RRAS2: variants seen among roughly 807,000 people sequenced by gnomAD.
The protein encoded by RRAS2 is ras-related protein R-Ras2.
In RRAS2, 7 loss-of-function variants were observed where a neutral mutation model predicts 27.6. The ratio of observed to expected loss-of-function variants is 0.25; its 90% CI spans 0.14 to 0.48. RRAS2 has a LOEUF of 0.48. RRAS2 is among the 20% of genes least tolerant of loss of function. The probability of loss-of-function intolerance (pLI) is 0.99; values close to 1 mark genes in which losing one functional copy is unlikely to be tolerated. For missense variants in RRAS2, 178 were observed against 256.2 expected (o/e 0.69, Z 2.08); for synonymous variants, 86 against 90.9 (o/e 0.95, Z 0.31).
chr11:14,311,805 A>C (rs1426651575), intron 1 of RRAS2, among the ~76,000 whole-genome samples: 1 of 152,196 alleles, frequency 6.6e-6, no homozygotes, highest in Non-Finnish European at 1.5e-5. Flanking sequence ...CAAACTACGA[A>C]AGTTACATAA....
At chr11:14,325,405 G>A (rs966979184) in intron 1 of RRAS2, among the ~76,000 whole-genome samples, 18 of 150,818 alleles carry the variant, frequency 1.2e-4, no homozygotes, top group Admixed American at 6.6e-5. Flanking sequence ...TCTGCCTCCC[G>A]GGTTCATGCC....
At chr11:14,336,451 A>C (rs1848591289) in intron 1 of RRAS2, among the ~76,000 whole-genome samples, 1 of 152,244 alleles carries the variant, frequency 6.6e-6, no homozygotes, top group African/African-American at 2.4e-5. Context: ...CAAACATATT[A>C]AGGCAGTCTC....
At chr11:14,319,792 A>C (rs1056032276) in intron 1 of RRAS2, among the ~76,000 whole-genome samples, 3 of 152,218 alleles carry the variant, frequency 2.0e-5, no homozygotes, top group Non-Finnish European at 4.4e-5. Context: ...AAACCTACCT[A>C]AAAGACTTTT....
chr11:14,360,964 G>C (rs942271191), upstream of RRAS2, among the ~76,000 whole-genome samples: 1 of 150,240 alleles, frequency 6.7e-6, no homozygotes, highest in Non-Finnish European at 1.5e-5. Context: ...CATCACTCCC[G>C]GCCCTTCTTG....
At chr11:14,321,417 C>T (rs1848220235) in intron 1 of RRAS2, among the ~76,000 whole-genome samples, 1 of 151,972 alleles carries the variant, frequency 6.6e-6, no homozygotes, top group African/African-American at 2.4e-5. Context: ...CAAAAATTGT[C>T]AAAACTTCTG....
intron 4 of RRAS2, 39 bp from the exon 5 acceptor site, chr11:14,281,759 C>T (rs1554944363): frequency 6.6e-7 from 1 of 1,510,180 alleles, no homozygotes; most frequent in South Asian, 1.2e-5. Flanking sequence ...ACATTATTAA[C>T]AACTGGATTT....
intron 1 of RRAS2, among the ~76,000 whole-genome samples, chr11:14,297,582 T>C (rs1031288460): frequency 3.9e-5 from 6 of 151,938 alleles, no homozygotes; most frequent in Admixed American, 6.6e-5. Flanking sequence ...GGCAACAAGG[T>C]GAGACCGCAT....
rs1311257699 is a variant in RRAS2, at chr11:14,343,707, G to A, written c.108+15056C>T. On this transcript the variant is annotated intron_variant, in intron 1 of 5. Transcript: ENST00000256196. ...AAATTAGCGGGGCATGATGGTGCAC[G>A]CCTGTAGTCCCAGCTACTTCCGGGG... is the stretch of plus-strand genomic sequence containing the variant. Among the ~76,000 whole-genome samples the A allele has an allele frequency of 3.3e-5, 5 of 150,222 alleles. No homozygotes were observed. In the East Asian group the frequency reaches 5.8e-4, roughly 17 times the overall value.
In RRAS2 at chr11:14,358,758, G is replaced by C; in HGVS notation, c.108+5C>G. On this transcript the variant is annotated splice_donor_5th_base_variant and intron_variant, in intron 1 of 5. Coordinates refer to ENST00000256196, the MANE Select transcript of RRAS2 (RefSeq NM_012250.6). The surrounding 1 kb of genome is among the most constrained non-coding windows in gnomAD (Gnocchi z 5.1). ...CGGCGCCCCGGGCAGGCCCGCTCCA[G>C]GTACCTGGATGAACTGGATGGTGAG... 1.4e-6 allele frequency: 2 copies of C among 1,415,210 alleles called. No individual in the cohort carries two copies. The highest frequency in any genetic ancestry group is 6.3e-5 in the East Asian group (2 of 31,600). The allele number at this position is 1,415,210 out of a possible 1,614,324, so 87.7% of individuals were successfully genotyped here. A position where few individuals can be genotyped will look rare whatever the true frequency, so the allele number is the denominator to read the frequency against.
At chr11:14,287,843 G>C (rs1375541948) in intron 4 of RRAS2, among the ~76,000 whole-genome samples, 58 of 141,550 alleles carry the variant, frequency 4.1e-4, no homozygotes, top group Non-Finnish European at 3.2e-4. Context: ...CTGTACTCTA[G>C]CCTGGTTGAC....
At chr11:14,335,480 G>A (rs1848570918) in intron 1 of RRAS2, among the ~76,000 whole-genome samples, 1 of 152,198 alleles carries the variant, frequency 6.6e-6, no homozygotes. Context: ...CAATTTGAAT[G>A]AGGCATAAAA....
At chr11:14,324,395 G>A (rs1848298989) in intron 1 of RRAS2, among the ~76,000 whole-genome samples, 1 of 149,214 alleles carries the variant, frequency 6.7e-6, no homozygotes, top group Middle Eastern at 3.4e-3. Flanking sequence ...TAGACCTTTA[G>A]GGAAAGAAAT....
chr11:14,286,751 C>A (rs1554945095), intron 4 of RRAS2, among the ~76,000 whole-genome samples: 4 of 152,218 alleles, frequency 2.6e-5, no homozygotes, highest in Non-Finnish European at 4.4e-5. Flanking sequence ...ACTGGTATAT[C>A]TAAGTTTATC....
At chr11:14,298,861 A>G (rs539515059) in intron 1 of RRAS2, among the ~76,000 whole-genome samples, 3 of 152,352 alleles carry the variant, frequency 2.0e-5, no homozygotes, top group South Asian at 4.1e-4. Flanking sequence ...GTGTGCAGGT[A>G]ACAAATACAG....
At chr11:14,328,775 C>T (rs1320745648) in intron 1 of RRAS2, among the ~76,000 whole-genome samples, 5 of 151,968 alleles carry the variant, frequency 3.3e-5, no homozygotes. Context: ...AGCAATCCTC[C>T]TGGCTCAGCC....
intron 1 of RRAS2, among the ~76,000 whole-genome samples, chr11:14,315,128 CGTAA>C (rs1474767655): frequency 6.6e-6 from 1 of 152,140 alleles, no homozygotes; most frequent in African/African-American, 2.4e-5. Flanking sequence ...ATCCTCATTC[CGTAA>C]GTGTGAGCTG....
At chr11:14,281,498 G>T in intron 5 of RRAS2, 104 bp downstream of exon 5, 1 of 796,954 alleles carries the variant, frequency 1.3e-6, no homozygotes. Flanking sequence ...AATGCACCAT[G>T]TGCATTAATC....
intron 1 of RRAS2, among the ~76,000 whole-genome samples, chr11:14,350,695 G>A (rs1416161831): frequency 2.0e-5 from 3 of 151,554 alleles, no homozygotes; most frequent in African/African-American, 7.3e-5. Flanking sequence ...TAGCTGACGA[G>A]GTTAAAAAAA....
At chr11:14,290,840 A>C (rs1849792727) in intron 4 of RRAS2, among the ~76,000 whole-genome samples, 1 of 152,226 alleles carries the variant, frequency 6.6e-6, no homozygotes, top group African/African-American at 2.4e-5. Flanking sequence ...GAGGGGCAGA[A>C]AAAATATACT....
Sources: gnomAD v4.1 joint callset for allele counts (sites outside exome capture counted in the v4.1 genomes callset) on GRCh38, gnomAD v4.1.1 for gene constraint, Gnocchi (gnomAD v3.1) non-coding constraint, MANE v1.5 for transcripts, NCBI Gene and HGNC (gene_info 2026-07-23, HGNC 2026-07-21) for gene names.